Variants in NOX4 observed in about 807,000 individuals in gnomAD.
NOX4 encodes the protein kidney oxidase-1.
In NOX4, 69 loss-of-function variants were observed where a neutral mutation model predicts 87.6. The ratio of observed to expected loss-of-function variants is 0.79; its 90% CI spans 0.65 to 0.96. The LOEUF is 0.96. Among genes scored for constraint, NOX4 ranks in the 40% least tolerant of loss-of-function variants. The probability of loss-of-function intolerance (pLI) is 0.00; values close to 1 mark genes in which losing one functional copy is unlikely to be tolerated. For missense variants in NOX4, 680 were observed against 681.5 expected (o/e 1.00, Z 0.02); for synonymous variants, 275 against 238.2 (o/e 1.15, Z -1.42).
intron 2 of NOX4, 46 bp downstream of exon 2, chr11:89,490,412 A>G (rs1277579423): frequency 7.9e-7 from 1 of 1,268,246 alleles, no homozygotes; most frequent in Non-Finnish European, 1.2e-6. Flanking sequence ...AATGTCTGCC[A>G]GTGTTAAACC....
At chr11:89,467,220 G>A (rs111964185) in intron 2 of NOX4, among the ~76,000 whole-genome samples, 5,399 of 150,948 alleles carry the variant, frequency 0.036, 312 homozygotes, top group African/African-American at 0.12. Flanking sequence ...GCCTAGTGGC[G>A]GGCGCCTGTA....
At chr11:89,440,854 G>C (rs1239018517) in intron 5 of NOX4, 139 bp from the exon 6 acceptor site, 1 of 479,844 alleles carries the variant, frequency 2.1e-6, no homozygotes, top group East Asian at 3.6e-5. Context: ...AGAAAGACTC[G>C]ATTAAGTTTC....
chr11:89,573,522 G>A, the NOX4 span, among the ~76,000 whole-genome samples: 519 of 152,270 alleles, frequency 3.4e-3, 2 homozygotes, highest in Non-Finnish European at 5.4e-3. Flanking sequence ...TTTAATAGCT[G>A]TTTTGCTTCT....
chr11:89,472,418 A>AG (rs1355194341), intron 2 of NOX4, among the ~76,000 whole-genome samples: 3 of 152,158 alleles, frequency 2.0e-5, no homozygotes, highest in Non-Finnish European at 4.4e-5. Flanking sequence ...AAGAAAAAAA[A>AG]GGTGTAATTT....
intron 13 of NOX4, among the ~76,000 whole-genome samples, chr11:89,342,507 G>GTCTAATATAGTCATATATTAGACTATATA: frequency 6.6e-6 from 1 of 152,126 alleles, no homozygotes; most frequent in East Asian, 1.9e-4. Flanking sequence ...TAGACTATAT[G>GTCTAATATAGTCATATATTAGACTATATA]TCTAATATAG....
chr11:89,498,600 T>C (rs889440574), upstream of NOX4: 5 of 152,190 alleles, frequency 3.3e-5, no homozygotes, highest in African/African-American at 1.2e-4. Context: ...CAAGCATATA[T>C]TTGGGTACCT....
chr11:89,532,617 G>A, the NOX4 span, among the ~76,000 whole-genome samples: 2 of 152,168 alleles, frequency 1.3e-5, no homozygotes, highest in South Asian at 4.1e-4. Flanking sequence ...ACGCTGGAAT[G>A]AGTTAAGACT....
intron 6 of NOX4, among the ~76,000 whole-genome samples, chr11:89,435,195 G>T (rs990337501): frequency 3.3e-5 from 5 of 151,950 alleles, no homozygotes; most frequent in African/African-American, 9.7e-5. Flanking sequence ...TGTTAAAAAA[G>T]AAAACCTTTA....
At chr11:89,435,776 C>G (rs973494936) in intron 6 of NOX4, among the ~76,000 whole-genome samples, 1 of 152,080 alleles carries the variant, frequency 6.6e-6, no homozygotes, top group African/African-American at 2.4e-5. Flanking sequence ...TTACACAAAA[C>G]TCCAATCTCA....
At chr11:89,361,787 A>G (rs1195399950) in intron 12 of NOX4, among the ~76,000 whole-genome samples, 6 of 152,050 alleles carry the variant, frequency 3.9e-5, no homozygotes, top group African/African-American at 1.4e-4. Flanking sequence ...ATTAAATATT[A>G]ATAAGAAAAT....
At chr11:89,346,310 G>A (rs1354668015) in intron 13 of NOX4, among the ~76,000 whole-genome samples, 1 of 151,976 alleles carries the variant, frequency 6.6e-6, no homozygotes, top group African/African-American at 2.4e-5. Context: ...TTAATTTAAA[G>A]TCTGTAAGGA....
intron 6 of NOX4, among the ~76,000 whole-genome samples, chr11:89,438,708 ATAT>A (rs1194001324): frequency 1.0e-4 from 8 of 78,900 alleles, no homozygotes; most frequent in African/African-American, 3.5e-4. Context: ...AATATACTAT[ATAT>A]TATTATATTA....
At chr11:89,459,485 T>C (rs145749999) in intron 2 of NOX4, among the ~76,000 whole-genome samples, 4 of 152,170 alleles carry the variant, frequency 2.6e-5, no homozygotes, top group Admixed American at 1.3e-4. Context: ...AATCAATGTG[T>C]AAAAATGACA....
At chr11:89,395,138 A>G (rs1341763022) in intron 11 of NOX4, among the ~76,000 whole-genome samples, 2 of 152,038 alleles carry the variant, frequency 1.3e-5, no homozygotes, top group Non-Finnish European at 2.9e-5. Context: ...AAGCATTCCT[A>G]TTTCTCCACA....
intron 13 of NOX4, among the ~76,000 whole-genome samples, chr11:89,346,505 C>G (rs1946221658): frequency 6.7e-6 from 1 of 150,184 alleles, no homozygotes; most frequent in Non-Finnish European, 1.5e-5. Flanking sequence ...CAACAAAAAT[C>G]CCTCAAACAT....
intron 12 of NOX4, among the ~76,000 whole-genome samples, chr11:89,363,122 C>G (rs991091173): frequency 6.6e-6 from 1 of 151,908 alleles, no homozygotes; most frequent in Non-Finnish European, 1.5e-5. Context: ...AAGGTATGCT[C>G]TGAGAGTTTG....
At chr11:89,580,599 C>T in the NOX4 span, among the ~76,000 whole-genome samples, 2 of 152,070 alleles carry the variant, frequency 1.3e-5, no homozygotes, top group Non-Finnish European at 2.9e-5. Flanking sequence ...TATTCTTGGG[C>T]AAAATCATTT....
Position 89,385,929 on chromosome 11 carries a change from T to C in NOX4, c.1075-12437A>G, listed in dbSNP as rs149477247. On this transcript the variant is annotated intron_variant, in intron 11 of 17. Transcript: ENST00000263317. The stretch of plus-strand genomic sequence containing the variant: ...GCCTTCCCACCTCTACATAGTCCAA[T>C]AATGGACCGGCCTTTATTAGTCAAA... Among the ~76,000 whole-genome samples the C allele has an allele frequency of 2.7e-3, 407 of 152,252 alleles. 2 individuals are homozygous for C. Among genetic ancestry groups the C allele is most frequent in the African/African-American group, 9.7e-3 (401 of 41,550 alleles).
At chr11:89,544,422 G>A in the NOX4 span, among the ~76,000 whole-genome samples, 1 of 152,078 alleles carries the variant, frequency 6.6e-6, no homozygotes, top group South Asian at 2.1e-4. Flanking sequence ...CTGAAGTGCA[G>A]CATCAAATAA....
Sources: gnomAD v4.1 joint callset for allele counts (sites outside exome capture counted in the v4.1 genomes callset) on GRCh38, gnomAD v4.1.1 for gene constraint, MANE v1.5 for transcripts, NCBI Gene and HGNC (gene_info 2026-07-23, HGNC 2026-07-21) for gene names.